ADAMTSL1: variants seen among roughly 807,000 people sequenced by gnomAD.
ADAMTSL1 encodes the protein ADAMTS-like protein 1.
Under a neutral mutation model 201.8 loss-of-function variants are expected in ADAMTSL1, and 126 were observed. The observed-to-expected ratio is 0.62, with a 90% CI of 0.54 to 0.72. ADAMTSL1 has a LOEUF of 0.72. Among genes scored for constraint, ADAMTSL1 ranks in the 30% least tolerant of loss-of-function variants. The pLI is 0.00. For synonymous variants in ADAMTSL1, 1,121 were observed against 903.4 expected (o/e 1.24, Z -4.32); for missense variants, 2,679 against 2,277.8 (o/e 1.18, Z -3.59).
intron 3 of ADAMTSL1, among the ~76,000 whole-genome samples, chr9:18,569,799 CATTT>C (rs1314638194): frequency 2.6e-5 from 4 of 152,142 alleles, no homozygotes; most frequent in South Asian, 4.1e-4. Flanking sequence ...AACCATAATT[CATTT>C]GTTTTATTCT....
At chr9:18,050,877 C>T (rs1183631096) in intron 1 of ADAMTSL1, among the ~76,000 whole-genome samples, 1 of 152,142 alleles carries the variant, frequency 6.6e-6, no homozygotes, top group Non-Finnish European at 1.5e-5. Context: ...CTTTTCAAAC[C>T]TTGTGTTGGT....
chr9:18,770,894 G>A, intron 17 of ADAMTSL1, 113 bp downstream of exon 17: 1 of 1,149,472 alleles, frequency 8.7e-7, no homozygotes, highest in South Asian at 1.6e-5. Context: ...CTAATATTAT[G>A]GAATAGTATT....
At chr9:18,204,869 C>G (rs1190802461) in intron 2 of ADAMTSL1, among the ~76,000 whole-genome samples, 1 of 152,132 alleles carries the variant, frequency 6.6e-6, no homozygotes, top group Non-Finnish European at 1.5e-5. Flanking sequence ...CTAGAATAAG[C>G]TTTTGAAAAC....
intron 1 of ADAMTSL1, among the ~76,000 whole-genome samples, chr9:18,493,749 C>T (rs1260348405): frequency 1.3e-5 from 2 of 152,168 alleles, no homozygotes; most frequent in Non-Finnish European, 2.9e-5. Flanking sequence ...TACATTTTTT[C>T]CCTCTGTCTT....
At chr9:18,630,899 C>T (rs1826724044) in intron 5 of ADAMTSL1, among the ~76,000 whole-genome samples, 1 of 152,122 alleles carries the variant, frequency 6.6e-6, no homozygotes, top group Admixed American at 6.6e-5. Context: ...CTACAACCTC[C>T]ACAGCCATTT....
intron 2 of ADAMTSL1, among the ~76,000 whole-genome samples, chr9:18,427,775 T>A (rs1192742844): frequency 1.3e-5 from 2 of 152,272 alleles, no homozygotes; most frequent in African/African-American, 2.4e-5. Flanking sequence ...TAAAATGTTT[T>A]TATTTAAGAT....
intron 2 of ADAMTSL1, among the ~76,000 whole-genome samples, chr9:18,398,605 T>C (rs1326010519): frequency 6.6e-6 from 1 of 152,202 alleles, no homozygotes; most frequent in East Asian, 1.9e-4. Context: ...TGAAACCATG[T>C]CTTTCACAAA....
chr9:18,600,998 A>G (rs949963468), intron 4 of ADAMTSL1, among the ~76,000 whole-genome samples: 1 of 152,112 alleles, frequency 6.6e-6, no homozygotes, highest in Admixed American at 6.5e-5. Flanking sequence ...GGTTTCCTTC[A>G]GCATTATTCT....
chr9:18,301,065 A>G (rs898419627), intron 2 of ADAMTSL1, among the ~76,000 whole-genome samples: 1 of 152,224 alleles, frequency 6.6e-6, no homozygotes, highest in Admixed American at 6.5e-5. Flanking sequence ...TACTATTTAT[A>G]TAGCCATAAT....
chr9:18,019,464 A>C (rs762140368), intron 1 of ADAMTSL1, among the ~76,000 whole-genome samples: 1 of 152,258 alleles, frequency 6.6e-6, no homozygotes, highest in Non-Finnish European at 1.5e-5. Flanking sequence ...CAGAGAGATC[A>C]AAGGTAATGC....
At chr9:18,660,794 T>G (rs1587828779) in intron 8 of ADAMTSL1, among the ~76,000 whole-genome samples, 1 of 151,086 alleles carries the variant, frequency 6.6e-6, no homozygotes, top group Non-Finnish European at 1.5e-5. Context: ...ATCTTTATAG[T>G]CAAATTTTAA....
intron 2 of ADAMTSL1, among the ~76,000 whole-genome samples, chr9:18,444,516 A>G (rs1026978863): frequency 6.6e-6 from 1 of 152,178 alleles, no homozygotes; most frequent in Admixed American, 6.5e-5. Context: ...ACTAGACTCT[A>G]CTATTTTGAA....
At chr9:18,517,539 G>C (rs957381786) in intron 2 of ADAMTSL1, among the ~76,000 whole-genome samples, 1 of 151,132 alleles carries the variant, frequency 6.6e-6, no homozygotes, top group Non-Finnish European at 1.5e-5. Context: ...TCTAGCATTA[G>C]GTGTATCTCC....
chr9:18,657,735 G>C lies in ADAMTSL1; in HGVS notation c.931G>C (p.Ala311Pro), dbSNP rs1367509652. ...WRETDFFPCS[A>P]TCGGGYQLTS... Reference sequence around the variant, plus strand: ...GGAGACGGATTTCTTTCCTTGCTCAGCAACCTGTGGAGGAGGTAATGGTGT... The same window carrying C: ...GGAGACGGATTTCTTTCCTTGCTCACCAACCTGTGGAGGAGGTAATGGTGT... Residue 311 changes from alanine (A) to proline (P), a missense_variant, in exon 8 of 29, where the codon GCA becomes CCA. Ala to Pro is a conservative substitution (Grantham distance 27, BLOSUM62 -1). Coordinates refer to ENST00000380548, the MANE Select transcript of ADAMTSL1 (RefSeq NM_001040272.6). 3 of 1,613,482 alleles carry C rather than the reference G, an allele frequency of 1.9e-6. No individual in the cohort carries two copies. Among genetic ancestry groups the C allele is most frequent in the Non-Finnish European group, 2.5e-6 (3 of 1,179,536 alleles).
intron 1 of ADAMTSL1, among the ~76,000 whole-genome samples, chr9:17,917,022 TTAAA>T (rs1826121813): frequency 6.6e-6 from 1 of 152,180 alleles, no homozygotes; most frequent in Non-Finnish European, 1.5e-5. Context: ...TTATGCTTTT[TTAAA>T]TGACATTTTA....
chr9:18,176,688 C>A (rs1434487500), intron 2 of ADAMTSL1, among the ~76,000 whole-genome samples: 1 of 152,126 alleles, frequency 6.6e-6, no homozygotes, highest in Non-Finnish European at 1.5e-5. Flanking sequence ...CAACTTTACT[C>A]AGCACCATAG....
intron 2 of ADAMTSL1, among the ~76,000 whole-genome samples, chr9:18,297,156 C>G (rs937837035): frequency 2.0e-5 from 3 of 152,114 alleles, no homozygotes; most frequent in Non-Finnish European, 1.5e-5. Context: ...ATTAAGTCAG[C>G]CCGTATTATC....
intron 2 of ADAMTSL1, among the ~76,000 whole-genome samples, chr9:18,176,015 A>AT (rs1437360551): frequency 5.9e-5 from 8 of 134,918 alleles, no homozygotes; most frequent in Non-Finnish European, 9.8e-5. Context: ...AGCAAAAAAA[A>AT]AAAAAAAAAA....
chr9:18,166,776 A>T (rs1370723793), intron 2 of ADAMTSL1, among the ~76,000 whole-genome samples: 1 of 151,986 alleles, frequency 6.6e-6, no homozygotes, highest in East Asian at 1.9e-4. Flanking sequence ...TCTTTCAAAA[A>T]TGTAAATAAT....
Sources: allele counts gnomAD v4.1 joint callset (sites outside exome capture counted in the v4.1 genomes callset), GRCh38; gene constraint gnomAD v4.1.1; transcripts MANE v1.5; gene names NCBI Gene and HGNC (gene_info 2026-07-23, HGNC 2026-07-21).